CNTNAP2: variants seen among roughly 807,000 people sequenced by gnomAD.
CNTNAP2 encodes the protein contactin associated protein 2.
A neutral mutation model predicts 155.2 loss-of-function variants in CNTNAP2; 98 were observed. The observed-to-expected ratio is 0.63, with a 90% CI of 0.54 to 0.75. The LOEUF (loss-of-function observed/expected upper bound fraction) is 0.75, where lower values mean the gene tolerates loss of function less well. Ranked by LOEUF, CNTNAP2 falls within the 30% of genes least tolerant of loss-of-function variation. The pLI, the probability that CNTNAP2 is intolerant of heterozygous loss-of-function variation, is 0.00. For synonymous variants in CNTNAP2, 651 were observed against 631.2 expected (o/e 1.03, Z -0.47); for missense variants, 1,727 against 1,688.1 (o/e 1.02, Z -0.40).
At chr7:148,326,142 T>C (rs983196714) in intron 21 of CNTNAP2, among the ~76,000 whole-genome samples, 1 of 151,810 alleles carries the variant, frequency 6.6e-6, no homozygotes, top group African/African-American at 2.4e-5. Context: ...AACAGGTTTT[T>C]TTTTTTCATT....
At chr7:147,896,941 G>A (rs1031111428) in intron 13 of CNTNAP2, 3 of 152,216 alleles carry the variant, frequency 2.0e-5, no homozygotes, top group South Asian at 2.1e-4. Context: ...AAGGAGGTTA[G>A]AAGCAAGATG....
chr7:148,016,098 A>G (rs10276996), intron 15 of CNTNAP2, among the ~76,000 whole-genome samples: 16,093 of 152,266 alleles, frequency 0.11, 1,187 homozygotes, highest in East Asian at 0.24. Context: ...TTTGGGCTCC[A>G]AATGTTAAAG....
intron 8 of CNTNAP2, among the ~76,000 whole-genome samples, chr7:147,192,266 G>A (rs563978965): frequency 5.9e-5 from 9 of 152,242 alleles, no homozygotes; most frequent in South Asian, 2.1e-4. Context: ...CCAGTCAGCT[G>A]CCTTTCCCTG....
At chr7:148,248,994 T>TGTCAATACCAA (rs1796321692) in intron 20 of CNTNAP2, among the ~76,000 whole-genome samples, 1 of 152,240 alleles carries the variant, frequency 6.6e-6, no homozygotes, top group Non-Finnish European at 1.5e-5. Flanking sequence ...CAAGTGCTTA[T>TGTCAATACCAA]TGACCACTGG....
chr7:146,973,689 T>G (rs1360267660), intron 3 of CNTNAP2, among the ~76,000 whole-genome samples: 1 of 152,174 alleles, frequency 6.6e-6, no homozygotes, highest in Non-Finnish European at 1.5e-5. Context: ...TGAACACTCA[T>G]AGCTTAATAA....
chr7:146,478,088 G>C (rs1796905777), intron 1 of CNTNAP2, among the ~76,000 whole-genome samples: 1 of 152,162 alleles, frequency 6.6e-6, no homozygotes, highest in Non-Finnish European at 1.5e-5. Flanking sequence ...ACACAAGTTT[G>C]AGGCAGTTTT....
chr7:148,331,560 C>CGGATGGATTGGAT (rs1798013422), intron 21 of CNTNAP2, among the ~76,000 whole-genome samples: 2 of 8,152 alleles, frequency 2.5e-4, no homozygotes, highest in African/African-American at 5.6e-4. Context: ...ATGGAATGGA[C>CGGATGGATTGGAT]GGATGGAGTG....
intron 13 of CNTNAP2, among the ~76,000 whole-genome samples, chr7:147,857,586 A>G (rs1799060980): frequency 6.6e-6 from 1 of 152,224 alleles, no homozygotes; most frequent in South Asian, 2.1e-4. Context: ...GATTTTCAAG[A>G]CAACAAATGG....
intron 1 of CNTNAP2, among the ~76,000 whole-genome samples, chr7:146,567,787 C>T (rs970748638): frequency 1.3e-5 from 2 of 152,052 alleles, no homozygotes; most frequent in South Asian, 2.1e-4. Context: ...GTGGCGCGAT[C>T]TCGGCTCACT....
At chr7:146,980,141 T>C in intron 3 of CNTNAP2, among the ~76,000 whole-genome samples, 1 of 150,940 alleles carries the variant, frequency 6.6e-6, no homozygotes, top group Admixed American at 6.6e-5. Context: ...CAGAGGAGGA[T>C]GAAAATGAAA....
chr7:147,353,261 C>G (rs1372788126), intron 9 of CNTNAP2, among the ~76,000 whole-genome samples: 4 of 151,782 alleles, frequency 2.6e-5, no homozygotes, highest in African/African-American at 9.7e-5. Flanking sequence ...AACCTGTCAC[C>G]TACATTAGGT....
intron 13 of CNTNAP2, among the ~76,000 whole-genome samples, chr7:147,729,801 A>C (rs567079259): frequency 2.0e-5 from 3 of 152,100 alleles, no homozygotes; most frequent in Non-Finnish European, 4.4e-5. Flanking sequence ...GGTCAGATTT[A>C]GGTGTTGAAG....
chr7:146,120,265 C>T (rs542278977), intron 1 of CNTNAP2, among the ~76,000 whole-genome samples: 14 of 152,076 alleles, frequency 9.2e-5, no homozygotes, highest in Admixed American at 2.6e-4. Flanking sequence ...TTAATGAAAA[C>T]AATTTAAACT....
At chr7:146,574,683 G>A (rs1374477245) in intron 1 of CNTNAP2, among the ~76,000 whole-genome samples, 1 of 152,154 alleles carries the variant, frequency 6.6e-6, no homozygotes, top group Non-Finnish European at 1.5e-5. Context: ...CCTGGTGACA[G>A]AGCGAGACTC....
chr7:146,474,707 A>G (rs969455891), intron 1 of CNTNAP2, among the ~76,000 whole-genome samples: 2 of 152,226 alleles, frequency 1.3e-5, no homozygotes, highest in African/African-American at 4.8e-5. Flanking sequence ...GTTTTATGTT[A>G]ATTGTATTTT....
intron 15 of CNTNAP2, among the ~76,000 whole-genome samples, chr7:148,060,385 T>C (rs1803107377): frequency 6.6e-6 from 1 of 152,198 alleles, no homozygotes; most frequent in African/African-American, 2.4e-5. Context: ...TTAGGCAATA[T>C]TAAATGACCT....
intron 3 of CNTNAP2, among the ~76,000 whole-genome samples, chr7:146,933,120 G>T (rs1036167756): frequency 6.6e-6 from 1 of 151,936 alleles, no homozygotes; most frequent in African/African-American, 2.4e-5. Flanking sequence ...AAAAGAGCCC[G>T]CATCGCCAAG....
intron 13 of CNTNAP2, among the ~76,000 whole-genome samples, chr7:147,747,326 T>C (rs990433116): frequency 1.3e-5 from 2 of 152,356 alleles, no homozygotes; most frequent in South Asian, 4.1e-4. Context: ...TCATCTTTCT[T>C]CTTTCTTTTT....
At chr7:146,892,744 C>G (rs1037021913) in intron 3 of CNTNAP2, among the ~76,000 whole-genome samples, 3 of 152,132 alleles carry the variant, frequency 2.0e-5, no homozygotes, top group Admixed American at 6.5e-5. Flanking sequence ...CCACTGCACT[C>G]CAGTCTGGGT....
Sources: gnomAD v4.1 joint callset for allele counts (sites outside exome capture counted in the v4.1 genomes callset) on GRCh38, gnomAD v4.1.1 for gene constraint, MANE v1.5 for transcripts, NCBI Gene and HGNC (gene_info 2026-07-23, HGNC 2026-07-21) for gene names.